LLPH: variants seen among roughly 807,000 people sequenced by gnomAD.
The protein encoded by LLPH is protein LLP homolog.
A neutral mutation model predicts 13.3 loss-of-function variants in LLPH; 5 were observed. That is an observed-to-expected ratio of 0.38 (90% CI 0.20 to 0.79). LLPH has a LOEUF of 0.79. Ranked by LOEUF, LLPH falls within the 30% of genes least tolerant of loss-of-function variation. The pLI is 0.45. For missense variants in LLPH, 129 were observed against 152.1 expected, an observed-to-expected ratio of 0.85 and a Z score of 0.80; for synonymous variants, 32 against 44.2, an observed-to-expected ratio of 0.72 and a Z score of 1.09.
At chr12:66,128,177 T>C (rs988630241) in intron 2 of LLPH, among the ~76,000 whole-genome samples, 4 of 152,202 alleles carry the variant, frequency 2.6e-5, no homozygotes, top group African/African-American at 4.8e-5. Context: ...CAGCCATTTT[T>C]AAAGGGAAAA....
At position 66,118,459 on chromosome 12, in the gene LLPH, T is replaced by G. The variant is rs1452122817; in HGVS notation, c.*5381A>C. On this transcript the variant is annotated 3_prime_UTR_variant, in exon 3 of 3. Transcript: ENST00000266604. ...CTCATTGACTCACCCCAAGCACGAG[T>G]CCTCCAAGCACTATTCATAAGTGGT... is the stretch of plus-strand genomic sequence containing the variant. 1 of 151,424 alleles carries G rather than the reference T, an allele frequency of 6.6e-6. No individual in the cohort carries two copies. Among genetic ancestry groups the G allele is most frequent in the Non-Finnish European group, 1.5e-5 (1 of 67,932 alleles). The allele number at this position is 151,424 out of a possible 1,614,324, so 9.4% of individuals were successfully genotyped here.
chr12:66,128,016 T>A (rs2051508507), intron 2 of LLPH, among the ~76,000 whole-genome samples: 1 of 152,166 alleles, frequency 6.6e-6, no homozygotes, highest in South Asian at 2.1e-4. Context: ...CTATACAACA[T>A]TTGAATTCTT....
chr12:66,123,128 T>G lies in LLPH; in HGVS notation c.*712A>C, dbSNP rs916922185. The G allele has an allele frequency of 6.9e-6, 1 of 144,218 alleles. No individual in the cohort carries two copies. The highest frequency in any genetic ancestry group is 3.2e-4 in the East Asian group (1 of 3,088). 8.9% of individuals were successfully genotyped at this position (144,218 alleles called of 1,614,324 possible). A position where few individuals can be genotyped will look rare whatever the true frequency, so the allele number is the denominator to read the frequency against. On this transcript the variant is annotated 3_prime_UTR_variant, in exon 3 of 3. Transcript: ENST00000266604. ...AGCTCCACACAAGTACTTTATAAGA[T>G]CCATTATTTTTTTTTTTTTTGAGAC...
intron 1 of LLPH, among the ~76,000 whole-genome samples, chr12:66,129,979 C>T (rs1288705386): frequency 6.6e-6 from 1 of 152,150 alleles, no homozygotes; most frequent in African/African-American, 2.4e-5. Flanking sequence ...CATATATATT[C>T]AAGATCTACA....
intron 1 of LLPH, 46 bp from the exon 2 acceptor site, chr12:66,129,159 AAAAAG>A: frequency 7.5e-7 from 1 of 1,327,774 alleles, no homozygotes; most frequent in Non-Finnish European, 1.1e-6. Flanking sequence ...CTTTAATATA[AAAAAG>A]AAAACAGGCA....
rs924615748 is a variant in LLPH at position 66,120,836 on chromosome 12, C to T, written c.*3004G>A. On this transcript the variant is annotated 3_prime_UTR_variant, in exon 3 of 3. Transcript: ENST00000266604. Reference sequence around the variant, plus strand: ...CCAAAGATGTGACCATACCCCTGCACTAATTTTGAAATGCTAGTCTAAATT... The same window carrying T: ...CCAAAGATGTGACCATACCCCTGCATTAATTTTGAAATGCTAGTCTAAATT... 1 of 152,200 alleles carries T rather than the reference C, an allele frequency of 6.6e-6. No individual in the cohort carries two copies. The highest frequency in any genetic ancestry group is 2.4e-5 in the African/African-American group (1 of 41,446). The allele number at this position is 152,200 out of a possible 1,614,324, so 9.4% of individuals were successfully genotyped here.
At position 66,123,145 on chromosome 12, in the gene LLPH, T is replaced by G. The variant is rs941490885; in HGVS notation, c.*695A>C. 3.3e-5 allele frequency: 5 copies of G among 152,062 alleles called. No homozygotes were observed. The highest frequency in any genetic ancestry group is 7.4e-5 in the Non-Finnish European group (5 of 68,006). 9.4% of individuals were successfully genotyped at this position (152,062 alleles called of 1,614,324 possible). A position where few individuals can be genotyped will look rare whatever the true frequency, so the allele number is the denominator to read the frequency against. ...TTATAAGATCCATTATTTTTTTTTT[T>G]TTTGAGACAGAGTCCTACTCCATTG... On this transcript the variant is annotated 3_prime_UTR_variant, in exon 3 of 3. Transcript: ENST00000266604.
chr12:66,125,635 CTT>C (rs1262463986), intron 2 of LLPH, among the ~76,000 whole-genome samples: 1 of 152,110 alleles, frequency 6.6e-6, no homozygotes, highest in African/African-American at 2.4e-5. Context: ...AAAAAAAAGA[CTT>C]AACAGATTCT....
chr12:66,126,550 AAGAC>A (rs1441373631), intron 2 of LLPH, among the ~76,000 whole-genome samples: 1 of 152,170 alleles, frequency 6.6e-6, no homozygotes, highest in African/African-American at 2.4e-5. Flanking sequence ...CGATAATAAA[AAGAC>A]AAACAACGTA....
At position 66,121,856 on chromosome 12, in the gene LLPH, C is replaced by A. The variant is rs1007221325; in HGVS notation, c.*1984G>T. 8 of 142,574 alleles carry A rather than the reference C, an allele frequency of 5.6e-5. No individual in the cohort carries two copies. The highest frequency in any genetic ancestry group is 1.8e-4 in the African/African-American group (7 of 38,556). 8.8% of individuals were successfully genotyped at this position (142,574 alleles called of 1,614,324 possible). On this transcript the variant is annotated 3_prime_UTR_variant, in exon 3 of 3. Coordinates refer to ENST00000266604, the MANE Select transcript of LLPH (RefSeq NM_032338.4). ...GCCACACTTGTGCCAATCACTCCAGCCTGGGTGACAGAGTGAGACCCCATC... is the reference window on the plus strand; with the variant it reads ...GCCACACTTGTGCCAATCACTCCAGACTGGGTGACAGAGTGAGACCCCATC...
intron 2 of LLPH, among the ~76,000 whole-genome samples, chr12:66,126,517 C>T (rs1281101335): frequency 6.6e-6 from 1 of 151,952 alleles, no homozygotes; most frequent in African/African-American, 2.4e-5. Context: ...GTATCTAGAA[C>T]ATATAAAGAA....
Position 66,119,246 on chromosome 12 carries a change from G to A in LLPH, c.*4594C>T, listed in dbSNP as rs2051448196. ...TAATATACATAAAGCATTTAAGAGA[G>A]TACGCATTCTCTAAATGTTGGCTGT... is the stretch of plus-strand genomic sequence containing the variant. On this transcript the variant is annotated 3_prime_UTR_variant, in exon 3 of 3. Coordinates refer to ENST00000266604, the MANE Select transcript of LLPH (RefSeq NM_032338.4). 6.6e-6 allele frequency: 1 copy of A among 152,210 alleles called. No individual in the cohort carries two copies. Among genetic ancestry groups the A allele is most frequent in the Non-Finnish European group, 1.5e-5 (1 of 68,042 alleles). The allele number at this position is 152,210 out of a possible 1,614,324, so 9.4% of individuals were successfully genotyped here. A position where few individuals can be genotyped will look rare whatever the true frequency, so the allele number is the denominator to read the frequency against.
At chr12:66,128,099 T>C (rs1257744605) in intron 2 of LLPH, among the ~76,000 whole-genome samples, 1 of 152,160 alleles carries the variant, frequency 6.6e-6, no homozygotes, top group African/African-American at 2.4e-5. Context: ...TGAAGTAAAA[T>C]GCTTTTTGTA....
chr12:66,124,755 A>G (rs1261679130), intron 2 of LLPH, among the ~76,000 whole-genome samples: 3 of 152,232 alleles, frequency 2.0e-5, no homozygotes, highest in Admixed American at 6.5e-5. Context: ...TGTCTGGTAT[A>G]TAACAGCCAC....
rs983488727 is a variant in LLPH, at chr12:66,119,067, C to T, written c.*4773G>A. The T allele has an allele frequency of 6.6e-6, 1 of 152,174 alleles. No homozygotes were observed. The highest frequency in any genetic ancestry group is 2.4e-5 in the African/African-American group (1 of 41,440). The allele number at this position is 152,174 out of a possible 1,614,324, so 9.4% of individuals were successfully genotyped here. A position where few individuals can be genotyped will look rare whatever the true frequency, so the allele number is the denominator to read the frequency against. ...AGTCTGTCTCTCTGTAGCTTTCCAT[C>T]ATAGGTATTCATTCTATACTCTGGG... is the stretch of plus-strand genomic sequence containing the variant. On this transcript the variant is annotated 3_prime_UTR_variant, in exon 3 of 3. Transcript: ENST00000266604.
intron 2 of LLPH, among the ~76,000 whole-genome samples, 197 bp downstream of exon 2, chr12:66,128,699 G>T (rs1259652556): frequency 2.0e-5 from 3 of 151,894 alleles, no homozygotes; most frequent in African/African-American, 7.3e-5. Flanking sequence ...GCGCAGAGGG[G>T]CTGGGCACTG....
At position 66,127,517 on chromosome 12, in the gene LLPH, AGG is replaced by A. The variant is rs569579128; in HGVS notation, c.211+1377_211+1378del. Among the ~76,000 whole-genome samples the A allele has an allele frequency of 5.4e-4, 82 of 152,228 alleles. 2 individuals carry two copies. The East Asian group carries it at 0.01, about 19-fold the overall frequency. On this transcript the variant is annotated intron_variant, in intron 2 of 2. Coordinates refer to ENST00000266604, the MANE Select transcript of LLPH (RefSeq NM_032338.4). Reference sequence around the variant, plus strand: ...GTTGCCAGAGGCTGGGGGTAGGAGGAGGAGAGACAGACTTCTTAATGGGTATT... The same window carrying A: ...GTTGCCAGAGGCTGGGGGTAGGAGGAAGAGACAGACTTCTTAATGGGTATT...
In LLPH at chr12:66,116,770, A is replaced by T. The variant is rs2051430836; in HGVS notation, c.*7070T>A. The T allele has an allele frequency of 6.6e-6, 1 of 152,264 alleles. No individual in the cohort carries two copies. Among genetic ancestry groups the T allele is most frequent in the Non-Finnish European group, 1.5e-5 (1 of 68,046 alleles). The allele number at this position is 152,264 out of a possible 1,614,324, so 9.4% of individuals were successfully genotyped here. A position where few individuals can be genotyped will look rare whatever the true frequency, so the allele number is the denominator to read the frequency against. ...GGATATTAAATACATTCCGCATATTAAAAACTTAATGTATTATAAAGCTAT... is the reference window on the plus strand; with the variant it reads ...GGATATTAAATACATTCCGCATATTTAAAACTTAATGTATTATAAAGCTAT... On this transcript the variant is annotated 3_prime_UTR_variant, in exon 3 of 3. Coordinates refer to ENST00000266604, the MANE Select transcript of LLPH (RefSeq NM_032338.4).
chr12:66,126,503 T>C (rs1231713565), intron 2 of LLPH, among the ~76,000 whole-genome samples: 1 of 152,054 alleles, frequency 6.6e-6, no homozygotes, highest in Non-Finnish European at 1.5e-5. Context: ...GATGTGGGCA[T>C]CTGGTATCTA....
Sources: gnomAD v4.1 joint callset for allele counts (sites outside exome capture counted in the v4.1 genomes callset) on GRCh38, gnomAD v4.1.1 for gene constraint, MANE v1.5 for transcripts, NCBI Gene and HGNC (gene_info 2026-07-23, HGNC 2026-07-21) for gene names.